MIR2052HG: variants seen among roughly 807,000 people sequenced by gnomAD.
MIR2052HG encodes MIR2052 host gene.
At chr8:74,650,872 G>A (rs953091790) in intron 2 of MIR2052HG, among the ~76,000 whole-genome samples, 4 of 152,054 alleles carry the variant, frequency 2.6e-5, no homozygotes, top group African/African-American at 9.7e-5. Flanking sequence ...CATAAGCCCT[G>A]GTTTTATTGA....
At chr8:74,670,158 A>G (rs554669163) in intron 2 of MIR2052HG, among the ~76,000 whole-genome samples, 3 of 152,202 alleles carry the variant, frequency 2.0e-5, no homozygotes, top group African/African-American at 4.8e-5. Flanking sequence ...CTGTGAAAAA[A>G]TAAATTTTGG....
At chr8:74,632,980 C>A (rs1474700845) in intron 2 of MIR2052HG, among the ~76,000 whole-genome samples, 1 of 152,114 alleles carries the variant, frequency 6.6e-6, no homozygotes, top group Admixed American at 6.6e-5. Context: ...GATAATTCCT[C>A]TCCCATGACT....
chr8:74,680,052 C>A (rs1809105231), intron 2 of MIR2052HG, among the ~76,000 whole-genome samples: 1 of 152,044 alleles, frequency 6.6e-6, no homozygotes. Context: ...TTGGAAAACC[C>A]AAATGAATCT....
chr8:74,642,018 T>C (rs1301725929), intron 2 of MIR2052HG, among the ~76,000 whole-genome samples: 1 of 152,072 alleles, frequency 6.6e-6, no homozygotes, highest in Middle Eastern at 3.2e-3. Flanking sequence ...TGTGGGTGAC[T>C]GGTGGTGTAC....
intron 1 of MIR2052HG, among the ~76,000 whole-genome samples, chr8:74,612,221 A>T (rs1202640776): frequency 6.6e-6 from 1 of 152,234 alleles, no homozygotes; most frequent in Non-Finnish European, 1.5e-5. Flanking sequence ...TTCCCAGCAC[A>T]TTCTACAGGT....
At chr8:74,756,024 T>TG (rs564446272) in intron 5 of MIR2052HG, among the ~76,000 whole-genome samples, 1 of 152,156 alleles carries the variant, frequency 6.6e-6, no homozygotes, top group Non-Finnish European at 1.5e-5. Context: ...AGCACTGAGG[T>TG]GGGGGGTCTC....
intron 2 of MIR2052HG, among the ~76,000 whole-genome samples, chr8:74,613,864 A>T (rs186443436): frequency 7.9e-4 from 121 of 152,290 alleles, no homozygotes; most frequent in African/African-American, 2.9e-3. Context: ...TGATGGTCAG[A>T]TCTAGTCAGA....
chr8:74,658,576 A>C (rs376509726), intron 2 of MIR2052HG, among the ~76,000 whole-genome samples: 2 of 151,912 alleles, frequency 1.3e-5, no homozygotes, highest in African/African-American at 4.8e-5. Context: ...AGTAGAAATG[A>C]GGTTTCACCA....
chr8:74,652,855 G>A (rs1808767411), intron 2 of MIR2052HG, among the ~76,000 whole-genome samples: 1 of 152,142 alleles, frequency 6.6e-6, no homozygotes, highest in African/African-American at 2.4e-5. Flanking sequence ...AAAGCTGGGA[G>A]GAAGTGGGTA....
chr8:74,707,454 G>T (rs115581355), intron 4 of MIR2052HG, among the ~76,000 whole-genome samples: 1 of 152,096 alleles, frequency 6.6e-6, no homozygotes, highest in Non-Finnish European at 1.5e-5. Context: ...AAGTCAGACA[G>T]GTTAAGCAAC....
intron 3 of MIR2052HG, among the ~76,000 whole-genome samples, chr8:74,703,260 A>G (rs192265739): frequency 2.9e-4 from 44 of 152,148 alleles, no homozygotes; most frequent in Admixed American, 5.9e-4. Flanking sequence ...CAAAATCTAA[A>G]TCAGTTCACA....
chr8:74,733,416 AT>A (rs1399076614), intron 4 of MIR2052HG, among the ~76,000 whole-genome samples: 1 of 152,148 alleles, frequency 6.6e-6, no homozygotes, highest in African/African-American at 2.4e-5. Flanking sequence ...TAAATTCATC[AT>A]TTTTTATGGC....
intron 2 of MIR2052HG, among the ~76,000 whole-genome samples, chr8:74,656,759 G>A (rs1563524497): frequency 6.6e-6 from 1 of 152,152 alleles, no homozygotes; most frequent in Non-Finnish European, 1.5e-5. Context: ...TACCAGAGAG[G>A]ACTGCCCACT....
chr8:74,650,005 A>G (rs537444651), intron 2 of MIR2052HG, among the ~76,000 whole-genome samples: 1 of 152,224 alleles, frequency 6.6e-6, no homozygotes, highest in Non-Finnish European at 1.5e-5. Flanking sequence ...TTTAATGCTA[A>G]ACCTTGCAAT....
At position 74,735,494 on chromosome 8, in the gene MIR2052HG, T is replaced by G. The variant is rs182999994; in HGVS notation, n.372-16947T>G. Among the ~76,000 whole-genome samples the G allele has an allele frequency of 1.4e-4, 21 of 152,270 alleles. No homozygotes were observed. In the East Asian group the frequency reaches 3.7e-3, roughly 27 times the overall value. On this transcript the variant is annotated intron_variant and non_coding_transcript_variant, in intron 4 of 6. Coordinates refer to ENST00000523442, the Ensembl canonical transcript of MIR2052HG. The stretch of plus-strand genomic sequence containing the variant: ...AAGTTCTGCAGATACTAGAAGGACA[T>G]GTGCTCCCCGGGCTCCATGTATCAC...
At chr8:74,668,751 G>A (rs751004822) in intron 2 of MIR2052HG, among the ~76,000 whole-genome samples, 42 of 152,188 alleles carry the variant, frequency 2.8e-4, no homozygotes, top group Admixed American at 4.6e-4. Context: ...CAGAAGAGAG[G>A]CACCTCGCCA....
At chr8:74,690,384 C>T (rs539354487) in intron 2 of MIR2052HG, among the ~76,000 whole-genome samples, 51 of 152,242 alleles carry the variant, frequency 3.3e-4, no homozygotes, top group African/African-American at 1.2e-3. Context: ...AGCTAATGTA[C>T]AGAGGCAGGA....
chr8:74,606,950 G>T (rs371050967), intron 1 of MIR2052HG, among the ~76,000 whole-genome samples: 1 of 151,326 alleles, frequency 6.6e-6, no homozygotes, highest in Non-Finnish European at 1.5e-5. Context: ...AATCCTAAAG[G>T]CAAAAAAGGA....
intron 5 of MIR2052HG, among the ~76,000 whole-genome samples, chr8:74,755,699 G>A (rs1442870449): frequency 1.3e-5 from 2 of 152,148 alleles, no homozygotes; most frequent in Admixed American, 6.5e-5. Flanking sequence ...CTAAAATGTG[G>A]TGCTCATAAA....
Sources: gnomAD v4.1 joint callset for allele counts (sites outside exome capture counted in the v4.1 genomes callset) on GRCh38, gnomAD v4.1.1 for gene constraint, MANE v1.5 for transcripts, NCBI Gene and HGNC (gene_info 2026-07-23, HGNC 2026-07-21) for gene names.